Variants in CCDC126 observed in about 807,000 individuals in gnomAD.
CCDC126 encodes the protein coiled-coil domain containing 126, also known as coiled-coil domain-containing protein 126.
CCDC126 carries 5 observed loss-of-function variants against 11.7 expected under a neutral mutation model. The observed-to-expected ratio is 0.43, with a 90% CI of 0.22 to 0.90. The LOEUF is 0.90. CCDC126 is among the 40% of genes least tolerant of loss of function. The pLI is 0.27. For missense variants in CCDC126, 150 were observed against 163.1 expected (o/e 0.92, Z 0.44); for synonymous variants, 60 against 61.9 (o/e 0.97, Z 0.14).
chr7:23,635,592 AAGAT>A (rs978129233), intron 3 of CCDC126, among the ~76,000 whole-genome samples: 5 of 152,226 alleles, frequency 3.3e-5, no homozygotes, highest in East Asian at 1.9e-4. Context: ...GTCATGGAGA[AAGAT>A]AGATATAATC....
At chr7:23,619,403 T>G (rs1782851316) in intron 3 of CCDC126, 3 of 416,714 alleles carry the variant, frequency 7.2e-6, no homozygotes, top group East Asian at 1.4e-4. Context: ...GATCAGAGGC[T>G]TAAAGAAAAG....
chr7:23,612,264 C>T (rs1782724439), intron 3 of CCDC126, among the ~76,000 whole-genome samples: 1 of 151,134 alleles, frequency 6.6e-6, no homozygotes, highest in South Asian at 2.1e-4. Context: ...TGAGACTAGC[C>T]TAGTAGCCTA....
chr7:23,641,967 T>A (rs1158644918), intron 3 of CCDC126, among the ~76,000 whole-genome samples: 2 of 152,214 alleles, frequency 1.3e-5, no homozygotes, highest in East Asian at 3.8e-4. Context: ...TCATGGACTC[T>A]CTTTCTTAGC....
chr7:23,627,349 TA>T (rs796273654), intron 3 of CCDC126, among the ~76,000 whole-genome samples: 23 of 145,390 alleles, frequency 1.6e-4, no homozygotes, highest in Admixed American at 1.4e-4. Flanking sequence ...ACCCTGGCTC[TA>T]AAAAAAAAAG....
At chr7:23,600,253 T>A (rs1782513439) in intron 2 of CCDC126, among the ~76,000 whole-genome samples, 1 of 152,176 alleles carries the variant, frequency 6.6e-6, no homozygotes, top group Non-Finnish European at 1.5e-5. Flanking sequence ...CTAAAAATGA[T>A]CTGATATCTT....
intron 2 of CCDC126, among the ~76,000 whole-genome samples, chr7:23,605,968 A>G (rs570754823): frequency 1.3e-5 from 2 of 151,718 alleles, no homozygotes; most frequent in African/African-American, 2.4e-5. Context: ...CATCCTTGCC[A>G]ACACTTGTTT....
At chr7:23,628,450 G>C (rs1413961052) in intron 3 of CCDC126, among the ~76,000 whole-genome samples, 2 of 152,212 alleles carry the variant, frequency 1.3e-5, no homozygotes, top group African/African-American at 4.8e-5. Flanking sequence ...TAGCAAGCTA[G>C]AAAACTTGTA....
intron 3 of CCDC126, among the ~76,000 whole-genome samples, chr7:23,636,259 T>G (rs1250112477): frequency 6.6e-6 from 1 of 152,106 alleles, no homozygotes; most frequent in Non-Finnish European, 1.5e-5. Flanking sequence ...AGTGCCGAGA[T>G]TGCAGCCTCT....
At chr7:23,620,959 C>G (rs904308302) in intron 3 of CCDC126, among the ~76,000 whole-genome samples, 3 of 152,096 alleles carry the variant, frequency 2.0e-5, no homozygotes, top group Non-Finnish European at 4.4e-5. Context: ...GGTACCAGTC[C>G]CATGCTGTTT....
At chr7:23,605,248 A>G (rs1338590303) in intron 2 of CCDC126, among the ~76,000 whole-genome samples, 1 of 152,128 alleles carries the variant, frequency 6.6e-6, no homozygotes, top group Non-Finnish European at 1.5e-5. Flanking sequence ...GGGAAGTGGT[A>G]TGAGATTAGG....
At chr7:23,617,348 CAAAAAAAAAA>C (rs35391703) in intron 3 of CCDC126, among the ~76,000 whole-genome samples, 14 of 36,248 alleles carry the variant, frequency 3.9e-4, no homozygotes, top group East Asian at 1.4e-3. Flanking sequence ...ATGCTGTCTC[CAAAAAAAAAA>C]AAAAAAAAAA....
chr7:23,638,263 T>G (rs1027100988), intron 3 of CCDC126, among the ~76,000 whole-genome samples: 1 of 151,362 alleles, frequency 6.6e-6, no homozygotes, highest in East Asian at 2.0e-4. Context: ...GGCGGTTTTG[T>G]GGAATAGAAA....
At chr7:23,618,044 T>C (rs898033048) in intron 3 of CCDC126, among the ~76,000 whole-genome samples, 7 of 152,194 alleles carry the variant, frequency 4.6e-5, no homozygotes, top group African/African-American at 1.2e-4. Flanking sequence ...GAGATACGCA[T>C]AGGACAAGGT....
At chr7:23,606,937 A>G (rs1782633659) in intron 2 of CCDC126, among the ~76,000 whole-genome samples, 1 of 152,012 alleles carries the variant, frequency 6.6e-6, no homozygotes, top group Non-Finnish European at 1.5e-5. Flanking sequence ...TAAAAAAAAA[A>G]AAGTACAAAA....
At chr7:23,612,474 CAAAAAAAAAAA>C (rs70954395) in intron 3 of CCDC126, among the ~76,000 whole-genome samples, 1 of 56,214 alleles carries the variant, frequency 1.8e-5, no homozygotes, top group Non-Finnish European at 3.1e-5. Context: ...GACTCCATCT[CAAAAAAAAAAA>C]AAAAAAAAAA....
At chr7:23,605,858 T>G (rs905058015) in intron 2 of CCDC126, among the ~76,000 whole-genome samples, 2 of 152,168 alleles carry the variant, frequency 1.3e-5, no homozygotes, top group Non-Finnish European at 1.5e-5. Flanking sequence ...TGTATGATAA[T>G]CCTATGTTTA....
At chr7:23,600,901 G>T (rs954943859) in intron 2 of CCDC126, among the ~76,000 whole-genome samples, 9 of 152,126 alleles carry the variant, frequency 5.9e-5, no homozygotes, top group African/African-American at 2.2e-4. Flanking sequence ...CGTAGTAAGA[G>T]ATCTTTTTAT....
chr7:23,624,727 G>T (rs1053033829), intron 3 of CCDC126, among the ~76,000 whole-genome samples: 1 of 152,128 alleles, frequency 6.6e-6, no homozygotes, highest in African/African-American at 2.4e-5. Context: ...AACAAAAATG[G>T]CATCGTACTG....
chr7:23,597,806 C>T (rs939202651), intron 1 of CCDC126, 161 bp from the exon 2 acceptor site: 34 of 152,182 alleles, frequency 2.2e-4, no homozygotes, highest in Admixed American at 2.2e-3. Context: ...CTTTGGGCCG[C>T]GTCTCTGCCC....
Sources: allele counts gnomAD v4.1 joint callset (sites outside exome capture counted in the v4.1 genomes callset), GRCh38; gene constraint gnomAD v4.1.1; transcripts MANE v1.5; gene names NCBI Gene and HGNC (gene_info 2026-07-23, HGNC 2026-07-21).